The following PARN variants were observed in gnomAD, a reference collection of about 807,000 sequenced individuals.
PARN encodes the protein poly(A)-specific ribonuclease.
PARN carries 71 observed loss-of-function variants against 102.8 expected under a neutral mutation model. The ratio of observed to expected loss-of-function variants is 0.69; its 90% confidence interval spans 0.57 to 0.84. The LOEUF is 0.84. PARN is among the 40% of genes least tolerant of loss of function. PARN has a pLI of 0.00. For synonymous variants in PARN, 261 were observed against 252.9 expected (o/e 1.03, Z -0.30); for missense variants, 782 against 760.9 (o/e 1.03, Z -0.33).
intron 21 of PARN, among the ~76,000 whole-genome samples, chr16:14,517,813 G>T (rs1260848685): frequency 6.6e-6 from 1 of 151,964 alleles, no homozygotes; most frequent in African/African-American, 2.4e-5. Context: ...TGAGTAGCTG[G>T]GATTACAGGT....
intron 5 of PARN, among the ~76,000 whole-genome samples, chr16:14,618,772 T>C (rs1362427665): frequency 1.3e-5 from 2 of 152,008 alleles, no homozygotes; most frequent in South Asian, 2.1e-4. Flanking sequence ...ATAGAACTAG[T>C]ATGTATTTTA....
At chr16:14,540,321 A>AT (rs1291015434) in intron 21 of PARN, among the ~76,000 whole-genome samples, 1 of 152,162 alleles carries the variant, frequency 6.6e-6, no homozygotes, top group East Asian at 1.9e-4. Flanking sequence ...AAAAATATTC[A>AT]TTTTTTGGTT....
chr16:14,529,595 T>C (rs1471819961), intron 21 of PARN, among the ~76,000 whole-genome samples: 1 of 152,088 alleles, frequency 6.6e-6, no homozygotes, highest in African/African-American at 2.4e-5. Context: ...CAGAGTCACA[T>C]CCATCCCCCT....
intron 22 of PARN, among the ~76,000 whole-genome samples, chr16:14,468,493 G>A (rs1466518706): frequency 6.6e-6 from 1 of 152,160 alleles, no homozygotes; most frequent in Non-Finnish European, 1.5e-5. Context: ...GGAGGCACAA[G>A]GAGCAAGAAT....
chr16:14,458,847 G>C (rs558443560), intron 22 of PARN, among the ~76,000 whole-genome samples: 4 of 152,158 alleles, frequency 2.6e-5, no homozygotes, highest in Non-Finnish European at 4.4e-5. Context: ...AGCGATCTCC[G>C]CAGGCTCAGC....
In PARN at chr16:14,470,601, G is replaced by C. The variant is rs1000880964; in HGVS notation, c.1670+12037C>G. ...GCCTCCCGCCACAGCTGGGACTACA[G>C]GGGCACACCAACACACCCGGCTAAC... On this transcript the variant is annotated intron_variant, in intron 22 of 23. Transcript: ENST00000437198. Among the ~76,000 whole-genome samples, 3 of 151,524 alleles carry C rather than the reference G, an allele frequency of 2.0e-5. No individual in the cohort carries two copies. In the East Asian group the frequency reaches 5.8e-4, roughly 29 times the overall value.
At chr16:14,476,076 AAGAC>A (rs1017321138) in intron 22 of PARN, among the ~76,000 whole-genome samples, 2 of 152,230 alleles carry the variant, frequency 1.3e-5, no homozygotes, top group Non-Finnish European at 2.9e-5. Context: ...ATAAAAATAA[AAGAC>A]AGACTGATAC....
intron 17 of PARN, among the ~76,000 whole-genome samples, chr16:14,581,675 T>G (rs2151750206): frequency 6.6e-6 from 1 of 152,248 alleles, no homozygotes; most frequent in Middle Eastern, 3.4e-3. Context: ...ATTCCAGCAC[T>G]TTGGGAGGCT....
intron 22 of PARN, among the ~76,000 whole-genome samples, chr16:14,475,652 C>T (rs1054489292): frequency 6.6e-6 from 1 of 152,120 alleles, no homozygotes; most frequent in Non-Finnish European, 1.5e-5. Context: ...TGTAGAAGCT[C>T]GACTGCTCTG....
intron 22 of PARN, among the ~76,000 whole-genome samples, chr16:14,472,634 G>A (rs1238664168): frequency 6.6e-6 from 1 of 152,158 alleles, no homozygotes; most frequent in African/African-American, 2.4e-5. Context: ...CATGGCACCT[G>A]CCAAAAGCAA....
intron 23 of PARN, among the ~76,000 whole-genome samples, chr16:14,445,890 T>A (rs964115777): frequency 1.3e-5 from 2 of 152,198 alleles, no homozygotes; most frequent in Non-Finnish European, 2.9e-5. Context: ...AGGACAGACT[T>A]AATGGCTCTG....
intron 21 of PARN, among the ~76,000 whole-genome samples, chr16:14,529,005 C>CT (rs1433943975): frequency 1.3e-5 from 2 of 152,140 alleles, no homozygotes; most frequent in Admixed American, 6.5e-5. Flanking sequence ...AGTCATAATT[C>CT]TTTAACTGTT....
chr16:14,492,740 T>C (rs1964125687), intron 21 of PARN, among the ~76,000 whole-genome samples: 1 of 152,096 alleles, frequency 6.6e-6, no homozygotes, highest in Non-Finnish European at 1.5e-5. Context: ...GACATGAAAA[T>C]AATGGTGATG....
intron 12 of PARN, among the ~76,000 whole-genome samples, chr16:14,595,143 G>C (rs550586387): frequency 6.6e-6 from 1 of 152,058 alleles, no homozygotes; most frequent in African/African-American, 2.4e-5. Flanking sequence ...TGTACTTCTC[G>C]CGAGGTATGG....
chr16:14,505,215 A>G (rs1964826583), intron 21 of PARN, among the ~76,000 whole-genome samples: 1 of 152,248 alleles, frequency 6.6e-6, no homozygotes, highest in Non-Finnish European at 1.5e-5. Context: ...TAATAAATTA[A>G]ATGTTAATGC....
intron 6 of PARN, among the ~76,000 whole-genome samples, chr16:14,613,166 G>A (rs563305149): frequency 1.6e-4 from 24 of 151,768 alleles, no homozygotes; most frequent in South Asian, 2.1e-4. Flanking sequence ...AAAATTAGCC[G>A]GGCGTGGTGG....
At chr16:14,584,531 T>C in intron 15 of PARN, 109 bp from the exon 16 acceptor site, 5 of 898,334 alleles carry the variant, frequency 5.6e-6, no homozygotes, top group South Asian at 3.2e-5. Context: ...ACTGTCTCCT[T>C]GTGTTCTTTA....
chr16:14,554,292 T>A (rs535679643), intron 19 of PARN, 141 bp from the exon 20 acceptor site: 1 of 608,506 alleles, frequency 1.6e-6, no homozygotes, highest in South Asian at 2.1e-5. Flanking sequence ...CCTAAAAGTA[T>A]GCCTAGGATT....
chr16:14,598,003 G>T (rs1047994449), intron 12 of PARN, among the ~76,000 whole-genome samples: 2 of 152,122 alleles, frequency 1.3e-5, no homozygotes, highest in Non-Finnish European at 2.9e-5. Context: ...AATTAGCCAG[G>T]CGTGGTAGCA....
Sources: gnomAD v4.1 joint callset for allele counts (sites outside exome capture counted in the v4.1 genomes callset) on GRCh38, gnomAD v4.1.1 for gene constraint, MANE v1.5 for transcripts, NCBI Gene and HGNC (gene_info 2026-07-23, HGNC 2026-07-21) for gene names.